Variants in HIF1A observed in about 807,000 individuals in gnomAD.
HIF1A encodes hypoxia-inducible factor 1-alpha.
HIF1A carries 24 observed loss-of-function variants against 92.7 expected under a neutral mutation model. The ratio of observed to expected loss-of-function variants is 0.26; its 90% CI spans 0.19 to 0.36. The LOEUF (loss-of-function observed/expected upper bound fraction) is 0.36. Among genes scored for constraint, HIF1A ranks in the 10% least tolerant of loss-of-function variants. HIF1A has a pLI of 1.00. For missense variants in HIF1A, 799 were observed against 998.5 expected, an observed-to-expected ratio of 0.80 and a Z score of 2.69; for synonymous variants, 319 against 338.7, an observed-to-expected ratio of 0.94 and a Z score of 0.64.
At chr14:61,723,014 G>A (rs1458598360) in intron 4 of HIF1A, among the ~76,000 whole-genome samples, 1 of 152,172 alleles carries the variant, frequency 6.6e-6, no homozygotes, top group Non-Finnish European at 1.5e-5. Context: ...GCCTTCTTAA[G>A]CAGTGTATAC....
At chr14:61,730,580 G>A (rs12434438) in intron 6 of HIF1A, among the ~76,000 whole-genome samples, 96,623 of 152,084 alleles carry the variant, frequency 0.64, 35,265 homozygotes, top group Non-Finnish European at 0.79. Flanking sequence ...TCCTGAAAGC[G>A]GTTTTGCCTT....
rs2044805588 is a variant in HIF1A, at chr14:61,747,233, A to C, written c.*148A>C. 7 of 542,886 alleles carry C rather than the reference A, an allele frequency of 1.3e-5. No homozygotes were observed. The highest frequency in any genetic ancestry group is 2.2e-5 in the Non-Finnish European group (7 of 316,504). 33.6% of individuals were successfully genotyped at this position (542,886 alleles called of 1,614,324 possible). A position where few individuals can be genotyped will look rare whatever the true frequency, so the allele number is the denominator to read the frequency against. Reference sequence around the variant, plus strand: ...TCAATTTTGATCCCCTTTCTACTTAATTTACATTAATGCTCTTTTTTAGTA... The same window carrying C: ...TCAATTTTGATCCCCTTTCTACTTACTTTACATTAATGCTCTTTTTTAGTA... On this transcript the variant is annotated 3_prime_UTR_variant, in exon 15 of 15. Transcript: ENST00000337138.
chr14:61,720,588 A>G lies in HIF1A; in HGVS notation c.226+16A>G. The G allele has an allele frequency of 6.4e-7, 1 of 1,556,516 alleles. No individual in the cohort carries two copies. On this transcript the variant is annotated intron_variant, in intron 2 of 14. Transcript: ENST00000337138. ...CTGGATGCTGGTGAGTTATTTTACAAGGGTATAAATAGGCCTGAAAATTAG... is the reference window on the plus strand; with the variant it reads ...CTGGATGCTGGTGAGTTATTTTACAGGGGTATAAATAGGCCTGAAAATTAG...
At chr14:61,707,403 C>G (rs1183795148) in intron 1 of HIF1A, among the ~76,000 whole-genome samples, 2 of 151,988 alleles carry the variant, frequency 1.3e-5, no homozygotes, top group African/African-American at 4.8e-5. Context: ...TGTGCTGCAC[C>G]CAGTAACTCG....
intron 1 of HIF1A, chr14:61,715,837 A>T (rs1268224728): frequency 1.3e-5 from 2 of 152,126 alleles, no homozygotes; most frequent in Non-Finnish European, 2.9e-5. Flanking sequence ...CTCTGCAAAA[A>T]ATTTAACAGA....
Position 61,720,489 on chromosome 14 carries a change from A to C in HIF1A, c.143A>C (p.His48Pro). ...CTTGCTCATCAGTTGCCACTTCCAC[A>C]TAATGTGAGTTCGCATCTTGATAAG... ...YELAHQLPLP[H>P]NVSSHLDKAS... Residue 48 changes from histidine to proline, a missense_variant, in exon 2 of 15, where the codon CAT (histidine) becomes CCT (proline). Coordinates refer to ENST00000337138, the MANE Select transcript of HIF1A (RefSeq NM_001530.4). 6.2e-7 allele frequency: 1 copy of C among 1,613,720 alleles called. No homozygotes were observed. Among genetic ancestry groups the C allele is most frequent in the Non-Finnish European group, 8.5e-7 (1 of 1,179,784 alleles).
intron 1 of HIF1A, among the ~76,000 whole-genome samples, chr14:61,702,273 C>CAAAAAAA (rs34312928): frequency 9.8e-6 from 1 of 101,964 alleles, no homozygotes; most frequent in Non-Finnish European, 1.9e-5. Flanking sequence ...ACTAAAAATA[C>CAAAAAAA]AAAAAAAAAA....
In HIF1A at chr14:61,736,870, A is replaced by T; in HGVS notation, c.1029-19A>T. 6.4e-7 allele frequency: 1 copy of T among 1,560,284 alleles called. No individual in the cohort carries two copies. On this transcript the variant is annotated intron_variant, in intron 8 of 14. Transcript: ENST00000337138. ...TCAAGTGCTCATTTGTGAATTACCAATTTCTCTTGTTTTGACAGTGGTATT... is the reference window on the plus strand; with the variant it reads ...TCAAGTGCTCATTTGTGAATTACCATTTTCTCTTGTTTTGACAGTGGTATT...
intron 1 of HIF1A, among the ~76,000 whole-genome samples, chr14:61,705,248 C>T (rs1406031620): frequency 6.6e-6 from 1 of 152,070 alleles, no homozygotes; most frequent in African/African-American, 2.4e-5. Flanking sequence ...ACAGTTTGAT[C>T]ATAAACAAAT....
chr14:61,697,957 A>G (rs1384047358), intron 1 of HIF1A: 5 of 1,473,760 alleles, frequency 3.4e-6, no homozygotes, highest in Non-Finnish European at 4.5e-6. Context: ...GAAAATGGGT[A>G]TGGTTATGAT....
In HIF1A at chr14:61,742,907, A is replaced by T. The variant is rs66788261; in HGVS notation, c.2093+1719A>T. Among the ~76,000 whole-genome samples the T allele has an allele frequency of 1.9e-5, 2 of 105,940 alleles. 1 individual carries two copies. Among genetic ancestry groups the T allele is most frequent in the South Asian group, 6.2e-4 (2 of 3,218 alleles). The allele number at this position is 105,940 out of a possible 152,430, so 69.5% of individuals were successfully genotyped here. On this transcript the variant is annotated intron_variant, in intron 12 of 14. Coordinates refer to ENST00000337138, the MANE Select transcript of HIF1A (RefSeq NM_001530.4). Reference sequence around the variant, plus strand: ...TTTCAAAAAAAAAAAAAAAAAAAAAAGTTGTTGGACTGACAGATGCATGAA... The same window carrying T: ...TTTCAAAAAAAAAAAAAAAAAAAAATGTTGTTGGACTGACAGATGCATGAA...
chr14:61,747,193 A>G lies in HIF1A; in HGVS notation c.*108A>G. The G allele has an allele frequency of 6.5e-6, 6 of 916,390 alleles. No individual in the cohort carries two copies. The highest frequency in any genetic ancestry group is 9.4e-6 in the Non-Finnish European group (6 of 636,468). 56.8% of individuals were successfully genotyped at this position (916,390 alleles called of 1,614,324 possible). ...TTTAGAAGCCTGGCTACAATACTGCACAAACTTGGTTAGTTCAATTTTGAT... is the reference window on the plus strand; with the variant it reads ...TTTAGAAGCCTGGCTACAATACTGCGCAAACTTGGTTAGTTCAATTTTGAT... On this transcript the variant is annotated 3_prime_UTR_variant, in exon 15 of 15. Coordinates refer to ENST00000337138, the MANE Select transcript of HIF1A (RefSeq NM_001530.4).
At position 61,720,515 on chromosome 14, in the gene HIF1A, G is replaced by A; in HGVS notation, c.169G>A (p.Ala57Thr). The change falls in exon 2 of 15, where the codon GCC becomes ACC. Residue 57 changes from alanine to threonine, a missense_variant. This residue lies in a region of HIF1A where 516 missense variants were observed against 721.0 expected (regional missense o/e 0.72). Transcript: ENST00000337138. ...PHNVSSHLDK[A>T]SVMRLTISYL... ...TAATGTGAGTTCGCATCTTGATAAG[G>A]CCTCTGTGATGAGGCTTACCATCAG... is the stretch of plus-strand genomic sequence containing the variant. 1 of 1,613,192 alleles carries A rather than the reference G, an allele frequency of 6.2e-7. No homozygotes were observed. Among genetic ancestry groups the A allele is most frequent in the Non-Finnish European group, 8.5e-7 (1 of 1,179,642 alleles).
intron 5 of HIF1A, 134 bp downstream of exon 5, chr14:61,726,952 A>T (rs1441598068): frequency 2.4e-5 from 13 of 539,092 alleles, no homozygotes; most frequent in African/African-American, 1.8e-4. Context: ...TATATCTTCA[A>T]CTCATTTGCA....
chr14:61,717,993 C>G lies in HIF1A; in HGVS notation c.36-2389C>G, dbSNP rs530329907. ...CCAAGATCTTGCCATTGCACTCCAGCCTGGGTGACAAGAGCAGAACTCCAT... is the reference window on the plus strand; with the variant it reads ...CCAAGATCTTGCCATTGCACTCCAGGCTGGGTGACAAGAGCAGAACTCCAT... On this transcript the variant is annotated intron_variant, in intron 1 of 14. Transcript: ENST00000337138. Among the ~76,000 whole-genome samples, 5 of 148,324 alleles carry G rather than the reference C, an allele frequency of 3.4e-5. No individual in the cohort carries two copies. The South Asian group carries it at 1.1e-3, about 32-fold the overall frequency.
intron 4 of HIF1A, among the ~76,000 whole-genome samples, chr14:61,726,206 A>C (rs557594854): frequency 2.0e-5 from 3 of 152,172 alleles, no homozygotes; most frequent in Admixed American, 2.0e-4. Context: ...TGCCTGCTTT[A>C]CTAGATAAAT....
chr14:61,720,620 GAAGT>G (rs1192655468), intron 2 of HIF1A, 48 bp downstream of exon 2: 1 of 1,163,098 alleles, frequency 8.6e-7, no homozygotes, highest in Non-Finnish European at 1.2e-6. Context: ...TTAGAAGTTA[GAAGT>G]AAATAGAAAT....
intron 4 of HIF1A, among the ~76,000 whole-genome samples, chr14:61,724,428 G>T (rs572632713): frequency 7.6e-6 from 1 of 131,058 alleles, no homozygotes; most frequent in Non-Finnish European, 1.6e-5. Flanking sequence ...TGCTCTCATG[G>T]CATCTTTTAA....
intron 12 of HIF1A, among the ~76,000 whole-genome samples, chr14:61,741,611 C>T (rs2044713350): frequency 1.3e-5 from 2 of 152,040 alleles, no homozygotes; most frequent in African/African-American, 4.8e-5. Flanking sequence ...TCAGGTGATC[C>T]GCCTGCCTCA....
Sources: allele counts gnomAD v4.1 joint callset (sites outside exome capture counted in the v4.1 genomes callset), GRCh38; gene constraint gnomAD v4.1.1; regional missense constraint gnomAD v4.1.1; transcripts MANE v1.5; gene names NCBI Gene and HGNC (gene_info 2026-07-23, HGNC 2026-07-21).